The following GBP3 variants were observed in gnomAD, a reference collection of about 807,000 sequenced individuals.
The protein encoded by GBP3 is guanylate binding protein 3.
In GBP3, 55 loss-of-function variants were observed where a neutral mutation model predicts 62.4. The ratio of observed to expected loss-of-function variants is 0.88; its 90% CI spans 0.71 to 1.10. The LOEUF (loss-of-function observed/expected upper bound fraction) is 1.10, where lower values mean the gene tolerates loss of function less well. GBP3 is among the 50% of genes least tolerant of loss of function. The probability of loss-of-function intolerance (pLI) is 0.00; values close to 1 mark genes in which losing one functional copy is unlikely to be tolerated. For missense variants in GBP3, 605 were observed against 690.6 expected (o/e 0.88, Z 1.39); for synonymous variants, 208 against 259.2 (o/e 0.80, Z 1.90).
chr1:89,020,345 C>A, intron 2 of GBP3, 187 bp downstream of exon 2: 1 of 666,894 alleles, frequency 1.5e-6, no homozygotes, highest in Non-Finnish European at 2.7e-6. Context: ...ATTGAGATAA[C>A]TCACTACCCT....
chr1:89,014,328 C>G (rs1381715523), intron 4 of GBP3, 49 bp from the exon 5 acceptor site: 6 of 1,613,262 alleles, frequency 3.7e-6, no homozygotes, highest in South Asian at 1.1e-5. Context: ...GAACCTCATC[C>G]CATATTAGTT....
intron 2 of GBP3, among the ~76,000 whole-genome samples, chr1:89,019,798 A>T (rs1278167574): frequency 6.6e-6 from 1 of 152,216 alleles, no homozygotes; most frequent in East Asian, 1.9e-4. Context: ...TTTGGGGAAG[A>T]TTAAAAAGTT....
intron 9 of GBP3, 123 bp from the exon 10 acceptor site, chr1:89,009,263 A>G: frequency 2.9e-6 from 4 of 1,359,598 alleles, no homozygotes; most frequent in Non-Finnish European, 4.1e-6. Flanking sequence ...TCAACAAGTA[A>G]GACATGTCTT....
chr1:89,008,725 T>C (rs947990407), intron 10 of GBP3: 100 of 740,074 alleles, frequency 1.4e-4, no homozygotes, highest in Non-Finnish European at 2.1e-4. Context: ...AGTGGAAGGA[T>C]ACACTAAAAC....
At chr1:89,009,283 T>C in intron 9 of GBP3, 109 bp downstream of exon 9, 1 of 1,415,720 alleles carries the variant, frequency 7.1e-7, no homozygotes, top group African/African-American at 1.4e-5. Context: ...TGCTTTAGTT[T>C]ATGGAACTTA....
At chr1:89,020,446 G>T (rs759219408) in intron 2 of GBP3, 86 bp downstream of exon 2, 1 of 1,517,992 alleles carries the variant, frequency 6.6e-7, no homozygotes, top group Non-Finnish European at 9.1e-7. Flanking sequence ...CCCAGTGCCA[G>T]CTTTCTCTCC....
chr1:89,021,508 GCGCACACACA>G (rs1171410182), intron 1 of GBP3, among the ~76,000 whole-genome samples: 1 of 53,470 alleles, frequency 1.9e-5, no homozygotes, highest in African/African-American at 7.3e-5. Context: ...ATGCGCGCGC[GCGCACACACA>G]CACACACACA....
rs1678684861 is a variant in GBP3 at position 89,013,318 on chromosome 1, A to T, written c.735T>A (p.Leu245=). The T allele has an allele frequency of 6.2e-7, 1 of 1,614,092 alleles. No homozygotes were observed. Among genetic ancestry groups the T allele is most frequent in the Non-Finnish European group, 8.5e-7 (1 of 1,180,040 alleles). ...VFDLPIHRRK[L]AQLEKLQDEE... ...CATCTTGTAGTTTCTCAAGCTGGGC[A>T]AGCTTCCTGCGGTGAATGGGCAGAT... Residue 245 remains leucine (L), a synonymous_variant, in exon 6 of 11, where the codon CTT becomes CTA. Transcript: ENST00000370481.
At chr1:89,021,510 G>GCGCACACACACACACACACACACA (rs751639388) in intron 1 of GBP3, among the ~76,000 whole-genome samples, 1 of 131,668 alleles carries the variant, frequency 7.6e-6, no homozygotes, top group African/African-American at 3.0e-5. Flanking sequence ...GCGCGCGCGC[G>GCGCACACACACACACACACACACA]CACACACACA....
chr1:89,019,013 T>C (rs1056852001), intron 2 of GBP3, among the ~76,000 whole-genome samples: 7 of 152,252 alleles, frequency 4.6e-5, no homozygotes, highest in Non-Finnish European at 1.0e-4. Context: ...GCATTTCTGT[T>C]GGGAATGCTA....
chr1:89,012,805 A>T (rs1678640056), intron 6 of GBP3, among the ~76,000 whole-genome samples: 2 of 136,962 alleles, frequency 1.5e-5, no homozygotes, highest in African/African-American at 5.0e-5. Flanking sequence ...GTAGCAGTAG[A>T]TTGGGATTTT....
Position 89,007,346 on chromosome 1 carries a change from C to T in GBP3, c.*378G>A, listed in dbSNP as rs1276065767. The T allele has an allele frequency of 5.4e-6, 1 of 185,102 alleles. No homozygotes were observed. Among genetic ancestry groups the T allele is most frequent in the East Asian group, 1.5e-4 (1 of 6,648 alleles). The allele number at this position is 185,102 out of a possible 1,614,324, so 11.5% of individuals were successfully genotyped here. A position where few individuals can be genotyped will look rare whatever the true frequency, so the allele number is the denominator to read the frequency against. On this transcript the variant is annotated 3_prime_UTR_variant, in exon 11 of 11. Coordinates refer to ENST00000370481, the MANE Select transcript of GBP3 (RefSeq NM_018284.3). ...GATATAATGGAGAACTGTACACTGT[C>T]TTCCCTAGGAAGCTAGGATGGTTGT...
intron 5 of GBP3, 77 bp downstream of exon 5, chr1:89,014,006 A>G (rs921244667): frequency 1.4e-6 from 2 of 1,439,484 alleles, no homozygotes; most frequent in African/African-American, 2.8e-5. Context: ...ATGTGAGAAA[A>G]CTATCAATAG....
At chr1:89,009,752 C>T (rs571311874) in intron 8 of GBP3, among the ~76,000 whole-genome samples, 1 of 152,184 alleles carries the variant, frequency 6.6e-6, no homozygotes, top group Non-Finnish European at 1.5e-5. Context: ...ATTGAGGGCT[C>T]TAAATTTGAT....
At chr1:89,017,718 A>G (rs1036075371) in intron 2 of GBP3, among the ~76,000 whole-genome samples, 1 of 152,238 alleles carries the variant, frequency 6.6e-6, no homozygotes, top group Non-Finnish European at 1.5e-5. Context: ...ACTAGTCATT[A>G]GGAAAATGCA....
rs375143324 is a variant in GBP3, at chr1:89,014,107, C to T, written c.601G>A (p.Glu201Lys). The T allele has an allele frequency of 2.5e-6, 4 of 1,614,058 alleles. No individual in the cohort carries two copies. The African/African-American group carries it at 4.0e-5, about 16-fold the overall frequency. ...GQPLTPDEYL[E>K]YSLKLTQGTS... ...CCTTGCGTTAGCTTCAGGGAATACTCCAGGTACTCATCTGGTGTGAGGGGT... is the reference window on the plus strand; with the variant it reads ...CCTTGCGTTAGCTTCAGGGAATACTTCAGGTACTCATCTGGTGTGAGGGGT... The change falls in exon 5 of 11, where the codon GAG (glutamate) becomes AAG (lysine). Residue 201 changes from glutamate to lysine, a missense_variant. By Grantham distance (56) the Glu-to-Lys change is moderately conservative. Coordinates refer to ENST00000370481, the MANE Select transcript of GBP3 (RefSeq NM_018284.3).
In GBP3 at chr1:89,021,499, TGCGCGCGC is replaced by T. The variant is rs143944083; in HGVS notation, c.-22-764_-22-757del. On this transcript the variant is annotated intron_variant, in intron 1 of 10. Coordinates refer to ENST00000370481, the MANE Select transcript of GBP3 (RefSeq NM_018284.3). ...ACTGAATGTTGCTAAGAAACACGCA[TGCGCGCGC>T]GCGCACACACACACACACACACACA... Among the ~76,000 whole-genome samples, 5 of 119,116 alleles carry T rather than the reference TGCGCGCGC, an allele frequency of 4.2e-5. No homozygotes were observed. The East Asian group carries it at 1.2e-3, about 29-fold the overall frequency. The allele number at this position is 119,116 out of a possible 152,430, so 78.1% of individuals were successfully genotyped here. A position where few individuals can be genotyped will look rare whatever the true frequency, so the allele number is the denominator to read the frequency against.
chr1:89,014,845 T>C (rs1224367117), intron 3 of GBP3, among the ~76,000 whole-genome samples, 189 bp from the exon 4 acceptor site: 2 of 152,244 alleles, frequency 1.3e-5, no homozygotes, highest in Admixed American at 1.3e-4. Context: ...TGATTAGTGT[T>C]TTTTGGTATA....
At chr1:89,017,650 T>G (rs927738643) in intron 2 of GBP3, among the ~76,000 whole-genome samples, 3 of 152,176 alleles carry the variant, frequency 2.0e-5, no homozygotes, top group African/African-American at 7.2e-5. Context: ...AAGAAAGAAC[T>G]TGAATAGACA....
Sources: gnomAD v4.1 joint callset for allele counts (sites outside exome capture counted in the v4.1 genomes callset) on GRCh38, gnomAD v4.1.1 for gene constraint, MANE v1.5 for transcripts, NCBI Gene and HGNC (gene_info 2026-07-23, HGNC 2026-07-21) for gene names.